The following XRCC5 variants were observed in gnomAD, a reference collection of about 807,000 sequenced individuals.
XRCC5 encodes the protein DNA repair protein Ku80.
Under a neutral mutation model 95.7 loss-of-function variants are expected in XRCC5, and 12 were observed. That is an observed-to-expected ratio of 0.13 (90% CI 0.08 to 0.20). The LOEUF (loss-of-function observed/expected upper bound fraction) is 0.20, where lower values mean the gene tolerates loss of function less well. Among genes scored for constraint, XRCC5 ranks in the 10% least tolerant of loss-of-function variants. XRCC5 has a pLI of 1.00. For missense variants in XRCC5, 595 were observed against 873.9 expected (o/e 0.68, Z 4.02); for synonymous variants, 281 against 290.3 (o/e 0.97, Z 0.33).
At chr2:216,179,428 G>A (rs1689340481) in intron 16 of XRCC5, among the ~76,000 whole-genome samples, 1 of 152,180 alleles carries the variant, frequency 6.6e-6, no homozygotes, top group South Asian at 2.1e-4. Flanking sequence ...GGAATGTGGG[G>A]GCGGGGTGGG....
intron 4 of XRCC5, among the ~76,000 whole-genome samples, chr2:216,118,658 A>G (rs1415768561): frequency 6.6e-6 from 1 of 152,210 alleles, no homozygotes; most frequent in Admixed American, 6.5e-5. Flanking sequence ...TTGCCACACA[A>G]AATCTGTGCA....
In XRCC5 at chr2:216,132,403, G is replaced by A; in HGVS notation, c.1113+16G>A. ...AGATGATGAGGTGAGTTGGCAGCAGGTCTTTGAGGTAGTGCTACAGAATTG... is the reference window on the plus strand; with the variant it reads ...AGATGATGAGGTGAGTTGGCAGCAGATCTTTGAGGTAGTGCTACAGAATTG... On this transcript the variant is annotated intron_variant, in intron 10 of 20. Transcript: ENST00000392132. The A allele has an allele frequency of 6.2e-7, 1 of 1,613,194 alleles. No individual in the cohort carries two copies. Among genetic ancestry groups the A allele is most frequent in the Non-Finnish European group, 8.5e-7 (1 of 1,179,218 alleles).
At position 216,138,293 on chromosome 2, in the gene XRCC5, T is replaced by C. The variant is rs1012902858; in HGVS notation, c.1342+114T>C. 2.8e-5 allele frequency: 24 copies of C among 844,530 alleles called. No individual in the cohort carries two copies. The African/African-American group carries it at 3.8e-4, about 13-fold the overall frequency. The allele number at this position is 844,530 out of a possible 1,614,324, so 52.3% of individuals were successfully genotyped here. The stretch of plus-strand genomic sequence containing the variant: ...TATTTATAGGGTGCAATTAGTTGGA[T>C]TTCCAATCATACACTTAGACACAGT... On this transcript the variant is annotated intron_variant, in intron 12 of 20. Transcript: ENST00000392132.
At chr2:216,137,321 A>G (rs1317074775) in intron 11 of XRCC5, 96 bp downstream of exon 11, 1 of 1,382,768 alleles carries the variant, frequency 7.2e-7, no homozygotes, top group South Asian at 1.6e-5. Flanking sequence ...TTACTTGGGG[A>G]TCTTGTTAAA....
chr2:216,188,850 A>C lies in XRCC5; in HGVS notation c.1835-1375A>C, dbSNP rs41302510. Among the ~76,000 whole-genome samples, 241 of 152,344 alleles carry C rather than the reference A, an allele frequency of 1.6e-3. 1 individual carries two copies. Among genetic ancestry groups the C allele is most frequent in the African/African-American group, 5.7e-3 (238 of 41,576 alleles). ...GGATATTAATTCACTGCTGCGGGAT[A>C]CGTTGGTAAAGATTTTTGAAATTGC... is the stretch of plus-strand genomic sequence containing the variant. On this transcript the variant is annotated intron_variant, in intron 16 of 20. Transcript: ENST00000392132.
chr2:216,171,752 G>A (rs761790384), intron 16 of XRCC5, among the ~76,000 whole-genome samples: 5 of 152,160 alleles, frequency 3.3e-5, no homozygotes, highest in Non-Finnish European at 7.4e-5. Flanking sequence ...AAGATACACT[G>A]TCTAAGTTTT....
intron 13 of XRCC5, among the ~76,000 whole-genome samples, chr2:216,144,875 C>A (rs1450541723): frequency 6.6e-6 from 1 of 152,082 alleles, no homozygotes; most frequent in Non-Finnish European, 1.5e-5. Context: ...CGTGAGTGAA[C>A]AATTAGACAT....
chr2:216,182,561 C>G (rs1016612405), intron 16 of XRCC5, among the ~76,000 whole-genome samples: 1 of 152,276 alleles, frequency 6.6e-6, no homozygotes, highest in East Asian at 1.9e-4. Context: ...TGGAGACCCT[C>G]TTCCTCTGCC....
intron 19 of XRCC5, among the ~76,000 whole-genome samples, chr2:216,201,214 G>A (rs1689828184): frequency 6.6e-6 from 1 of 152,200 alleles, no homozygotes; most frequent in Admixed American, 6.5e-5. Context: ...CATCCATTAA[G>A]CTACAAGTGG....
At chr2:216,153,733 G>A (rs567131274) in intron 14 of XRCC5, among the ~76,000 whole-genome samples, 2 of 152,228 alleles carry the variant, frequency 1.3e-5, no homozygotes. Context: ...TAGGCAGTCT[G>A]ACTCCAGAGC....
chr2:216,126,885 TTC>T (rs1696907079), intron 7 of XRCC5, among the ~76,000 whole-genome samples: 1 of 152,156 alleles, frequency 6.6e-6, no homozygotes, highest in Admixed American at 6.5e-5. Context: ...CTTTGTTGAT[TTC>T]TGACACAGAT....
intron 19 of XRCC5, among the ~76,000 whole-genome samples, chr2:216,198,759 G>A (rs1689781042): frequency 6.6e-6 from 1 of 152,010 alleles, no homozygotes; most frequent in Admixed American, 6.6e-5. Context: ...TACCATGTTG[G>A]CAAGGCTGTT....
chr2:216,194,512 G>C (rs1362983637), intron 18 of XRCC5, among the ~76,000 whole-genome samples: 1 of 152,232 alleles, frequency 6.6e-6, no homozygotes, highest in African/African-American at 2.4e-5. Context: ...ATCTAGAGTT[G>C]ATCAAGGAAG....
intron 9 of XRCC5, 102 bp downstream of exon 9, chr2:216,131,089 T>C (rs1267261352): frequency 1.4e-6 from 2 of 1,424,342 alleles, no homozygotes; most frequent in African/African-American, 1.5e-5. Context: ...TATTTCACTT[T>C]TAATTTTTCT....
intron 16 of XRCC5, chr2:216,175,350 T>G (rs1200818358): frequency 2.1e-6 from 1 of 473,616 alleles, no homozygotes; most frequent in African/African-American, 2.0e-5. Flanking sequence ...CTTGCACCAC[T>G]TCCAGAGTTT....
intron 18 of XRCC5, 50 bp from the exon 19 acceptor site, chr2:216,194,869 T>C (rs1336116696): frequency 6.4e-7 from 1 of 1,571,228 alleles, no homozygotes; most frequent in East Asian, 2.2e-5. Flanking sequence ...GAAAATGGGA[T>C]TGGGGTTGAT....
intron 16 of XRCC5, among the ~76,000 whole-genome samples, chr2:216,164,457 A>G (rs552523064): frequency 3.3e-5 from 5 of 152,346 alleles, no homozygotes; most frequent in Admixed American, 1.3e-4. Flanking sequence ...TCTTGTGAAG[A>G]AATGAAGAAA....
chr2:216,163,179 G>T lies in XRCC5; in HGVS notation c.1834+1131G>T, dbSNP rs558989595. On this transcript the variant is annotated intron_variant, in intron 16 of 20. Coordinates refer to ENST00000392132, the MANE Select transcript of XRCC5 (RefSeq NM_021141.4). ...TGACAGGGTCTCGCTGTGTCACCCA[G>T]GCTGGAGTGCAGTGGCAGGATCATA... Among the ~76,000 whole-genome samples the T allele has an allele frequency of 8.5e-5, 13 of 152,166 alleles. No individual in the cohort carries two copies. The South Asian group carries it at 2.5e-3, about 29-fold the overall frequency.
chr2:216,135,273 A>C (rs1697056907), intron 10 of XRCC5, among the ~76,000 whole-genome samples: 1 of 152,186 alleles, frequency 6.6e-6, no homozygotes, highest in African/African-American at 2.4e-5. Context: ...GTATCAATTT[A>C]CTAAGCCTAG....
Sources: gnomAD v4.1 joint callset for allele counts (sites outside exome capture counted in the v4.1 genomes callset) on GRCh38, gnomAD v4.1.1 for gene constraint, MANE v1.5 for transcripts, NCBI Gene and HGNC (gene_info 2026-07-23, HGNC 2026-07-21) for gene names.